SLC30A7: variants seen among roughly 807,000 people sequenced by gnomAD.
SLC30A7 encodes zinc transporter 7.
In SLC30A7, 35 loss-of-function variants were observed where a neutral mutation model predicts 46.0. The ratio of observed to expected loss-of-function variants is 0.76; its 90% CI spans 0.58 to 1.01. The LOEUF (loss-of-function observed/expected upper bound fraction) is 1.01. Among genes scored for constraint, SLC30A7 ranks in the 50% least tolerant of loss-of-function variants. SLC30A7 has a pLI of 0.00. For synonymous variants in SLC30A7, 147 were observed against 157.8 expected (o/e 0.93, Z 0.51); for missense variants, 464 against 451.1 (o/e 1.03, Z -0.26).
At position 100,981,753 on chromosome 1, in the gene SLC30A7, C is replaced by G. The variant is rs559063100; in HGVS notation, c.*6896C>G. 4 of 152,242 alleles carry G rather than the reference C, an allele frequency of 2.6e-5. No homozygotes were observed. The highest frequency in any genetic ancestry group is 9.6e-5 in the African/African-American group (4 of 41,544). 9.4% of individuals were successfully genotyped at this position (152,242 alleles called of 1,614,324 possible). On this transcript the variant is annotated 3_prime_UTR_variant, in exon 11 of 11. Coordinates refer to ENST00000357650, the MANE Select transcript of SLC30A7 (RefSeq NM_133496.5). Reference sequence around the variant, plus strand: ...TTCAATAAAATTTCTATTTAAAAATCTCTACCTGAATTGTGTCTTATCAGT... The same window carrying G: ...TTCAATAAAATTTCTATTTAAAAATGTCTACCTGAATTGTGTCTTATCAGT...
chr1:100,988,130 AT>A, the SLC30A7 span, among the ~76,000 whole-genome samples: 2 of 152,228 alleles, frequency 1.3e-5, no homozygotes, highest in Non-Finnish European at 2.9e-5. Flanking sequence ...AGGAGAGATC[AT>A]ATGCAGACAG....
the SLC30A7 span, among the ~76,000 whole-genome samples, chr1:100,991,716 G>A: frequency 6.7e-6 from 1 of 149,772 alleles, no homozygotes; most frequent in African/African-American, 2.5e-5. Flanking sequence ...TTGAGCCCGG[G>A]AGGCAGAGGT....
chr1:100,926,369 T>A (rs1461766270), intron 8 of SLC30A7, among the ~76,000 whole-genome samples: 1 of 152,108 alleles, frequency 6.6e-6, no homozygotes, highest in Non-Finnish European at 1.5e-5. Context: ...GCTTAGCTCC[T>A]GGGGAGGCCT....
chr1:100,990,482 T>C, the SLC30A7 span: 6 of 1,614,164 alleles, frequency 3.7e-6, no homozygotes, highest in East Asian at 2.2e-5. Flanking sequence ...TCCATCTCCA[T>C]TGGATGTATG....
At chr1:100,909,041 TTA>T (rs1651901938) in intron 3 of SLC30A7, among the ~76,000 whole-genome samples, 1 of 131,754 alleles carries the variant, frequency 7.6e-6, no homozygotes, top group Non-Finnish European at 1.7e-5. Flanking sequence ...TCTCCTCTCT[TTA>T]TGTGTGTGTG....
chr1:100,958,161 A>G (rs967592453), intron 8 of SLC30A7, among the ~76,000 whole-genome samples: 1 of 151,712 alleles, frequency 6.6e-6, no homozygotes, highest in South Asian at 2.1e-4. Flanking sequence ...GGCCTCAAAC[A>G]ATATTTGCGT....
chr1:100,984,961 CA>C (rs377251874), downstream of SLC30A7, among the ~76,000 whole-genome samples: 4 of 152,110 alleles, frequency 2.6e-5, no homozygotes, highest in African/African-American at 4.8e-5. Context: ...AATCTTGAAA[CA>C]AATGTTAAAA....
intron 10 of SLC30A7, among the ~76,000 whole-genome samples, chr1:100,970,339 A>G (rs1656088472): frequency 6.6e-6 from 1 of 152,148 alleles, no homozygotes; most frequent in African/African-American, 2.4e-5. Flanking sequence ...TTGGAGAATT[A>G]TAACTTTCTA....
At chr1:100,910,235 G>A (rs989527250) in intron 3 of SLC30A7, among the ~76,000 whole-genome samples, 3 of 152,130 alleles carry the variant, frequency 2.0e-5, no homozygotes, top group African/African-American at 7.2e-5. Context: ...GGACCAGAGT[G>A]GTTAATTGCT....
In SLC30A7 at chr1:100,976,080, A is replaced by G. The variant is rs1200704115; in HGVS notation, c.*1223A>G. ...GGACTGTGTTTTCAAAACTTTGCAA[A>G]TTCATCTGTTACACAGAAAATTTTG... On this transcript the variant is annotated 3_prime_UTR_variant, in exon 11 of 11. Coordinates refer to ENST00000357650, the MANE Select transcript of SLC30A7 (RefSeq NM_133496.5). The G allele has an allele frequency of 1.3e-5, 2 of 152,520 alleles. No homozygotes were observed. Among genetic ancestry groups the G allele is most frequent in the Admixed American group, 6.5e-5 (1 of 15,276 alleles). 9.4% of individuals were successfully genotyped at this position (152,520 alleles called of 1,614,324 possible). A position where few individuals can be genotyped will look rare whatever the true frequency, so the allele number is the denominator to read the frequency against.
chr1:100,956,446 T>G (rs1655232454), intron 8 of SLC30A7, among the ~76,000 whole-genome samples: 1 of 152,168 alleles, frequency 6.6e-6, no homozygotes, highest in Non-Finnish European at 1.5e-5. Context: ...AATACACACA[T>G]AAAAATTTGA....
At chr1:100,927,087 C>T in intron 8 of SLC30A7, among the ~76,000 whole-genome samples, 1 of 152,084 alleles carries the variant, frequency 6.6e-6, no homozygotes. Context: ...ATGAGCAGGG[C>T]AGAGAGTGGT....
At position 100,981,109 on chromosome 1, in the gene SLC30A7, A is replaced by G. The variant is rs917052336; in HGVS notation, c.*6252A>G. On this transcript the variant is annotated 3_prime_UTR_variant, in exon 11 of 11. Transcript: ENST00000357650. ...TTGTTATTTCCACTATAGAACTTCT[A>G]CTTTATACTAGCGGGGAAAATTTTT... 1.3e-5 allele frequency: 2 copies of G among 152,066 alleles called. No individual in the cohort carries two copies. Among genetic ancestry groups the G allele is most frequent in the Admixed American group, 1.3e-4 (2 of 15,274 alleles). 9.4% of individuals were successfully genotyped at this position (152,066 alleles called of 1,614,324 possible).
intron 8 of SLC30A7, among the ~76,000 whole-genome samples, chr1:100,937,933 C>T (rs1156399143): frequency 2.0e-5 from 3 of 152,076 alleles, no homozygotes; most frequent in African/African-American, 7.2e-5. Flanking sequence ...GGTAAGGGTC[C>T]AGCTTCCTTC....
At position 100,906,868 on chromosome 1, in the gene SLC30A7, G is replaced by A. The variant is rs1445810167; in HGVS notation, c.199G>A (p.Asp67Asn). ...IWSNCLGLIS[D>N]SFHMFFDSTA... Reference sequence around the variant, plus strand: ...CTTTTCCAGCTTAGGCTTGATTTCCGACTCTTTTCACATGTTTTTCGATAG... The same window carrying A: ...CTTTTCCAGCTTAGGCTTGATTTCCAACTCTTTTCACATGTTTTTCGATAG... Residue 67 changes from aspartate to asparagine, a missense_variant, in exon 3 of 11, where the codon GAC becomes AAC. Transcript: ENST00000357650. 3.7e-6 allele frequency: 6 copies of A among 1,612,518 alleles called. No homozygotes were observed. The highest frequency in any genetic ancestry group is 1.1e-5 in the South Asian group (1 of 91,008).
the SLC30A7 span, among the ~76,000 whole-genome samples, chr1:100,987,705 T>C: frequency 6.6e-6 from 1 of 151,896 alleles, no homozygotes; most frequent in Admixed American, 6.5e-5. Flanking sequence ...ATAAACTGTA[T>C]TTCCTTATTT....
intron 8 of SLC30A7, among the ~76,000 whole-genome samples, chr1:100,925,710 TA>T (rs1653251789): frequency 6.6e-6 from 1 of 152,190 alleles, no homozygotes; most frequent in Non-Finnish European, 1.5e-5. Flanking sequence ...GGGAGAAAGG[TA>T]ATGTTTTTAT....
At chr1:100,939,204 A>G (rs1654185229) in intron 8 of SLC30A7, among the ~76,000 whole-genome samples, 1 of 152,216 alleles carries the variant, frequency 6.6e-6, no homozygotes, top group East Asian at 1.9e-4. Flanking sequence ...AACATTAAAC[A>G]AGAGAAAGTA....
chr1:100,983,228 C>CCA (rs1391140405), downstream of SLC30A7, among the ~76,000 whole-genome samples: 2 of 151,938 alleles, frequency 1.3e-5, no homozygotes, highest in Non-Finnish European at 2.9e-5. Flanking sequence ...ACAGCAGAGA[C>CCA]AAGGAGGAGC....
Sources: allele counts gnomAD v4.1 joint callset (sites outside exome capture counted in the v4.1 genomes callset), GRCh38; gene constraint gnomAD v4.1.1; transcripts MANE v1.5; gene names NCBI Gene and HGNC (gene_info 2026-07-23, HGNC 2026-07-21).